The following EYS variants were observed in gnomAD, a reference collection of about 807,000 sequenced individuals.
EYS encodes the protein protein eyes shut homolog.
A neutral mutation model predicts 282.1 loss-of-function variants in EYS; 250 were observed. That is an observed-to-expected ratio of 0.89 (90% CI 0.80 to 0.98). The LOEUF is 0.98. EYS is among the 50% of genes least tolerant of loss of function. The pLI is 0.00. For synonymous variants in EYS, 1,355 were observed against 1,282.9 expected (o/e 1.06, Z -1.20); for missense variants, 4,016 against 3,709.0 (o/e 1.08, Z -2.15).
At chr6:64,608,813 T>C (rs944427673) in intron 24 of EYS, among the ~76,000 whole-genome samples, 18 of 152,158 alleles carry the variant, frequency 1.2e-4, no homozygotes, top group African/African-American at 4.3e-4. Context: ...AAAAGGGCTA[T>C]ATACTGTATT....
chr6:65,148,286 T>C (rs554416219), intron 12 of EYS, among the ~76,000 whole-genome samples: 1 of 152,196 alleles, frequency 6.6e-6, no homozygotes, highest in African/African-American at 2.4e-5. Context: ...CTTGGTACAA[T>C]GGGGGTACAG....
intron 33 of EYS, among the ~76,000 whole-genome samples, chr6:64,047,270 C>A (rs1770660224): frequency 1.3e-5 from 2 of 151,554 alleles, no homozygotes; most frequent in South Asian, 4.2e-4. Context: ...ACTTAGGAGA[C>A]CAGAGGTTGT....
At chr6:64,772,219 TC>T (rs1466362820) in intron 22 of EYS, among the ~76,000 whole-genome samples, 1 of 151,748 alleles carries the variant, frequency 6.6e-6, no homozygotes, top group Non-Finnish European at 1.5e-5. Flanking sequence ...TTTCATACAT[TC>T]TCTCCTATAT....
intron 13 of EYS, among the ~76,000 whole-genome samples, chr6:65,037,442 C>G (rs1772803696): frequency 6.6e-6 from 1 of 151,726 alleles, no homozygotes; most frequent in Non-Finnish European, 1.5e-5. Context: ...TATATACCTG[C>G]ACATGTACCT....
At chr6:64,883,299 G>A (rs1029051174) in intron 19 of EYS, among the ~76,000 whole-genome samples, 4 of 151,360 alleles carry the variant, frequency 2.6e-5, no homozygotes, top group African/African-American at 9.7e-5. Flanking sequence ...GAAAAAATGT[G>A]CATCGCTTTG....
At chr6:63,764,646 T>C (rs1419393965) in intron 40 of EYS, among the ~76,000 whole-genome samples, 1 of 151,980 alleles carries the variant, frequency 6.6e-6, no homozygotes, top group African/African-American at 2.4e-5. Context: ...TTATTGTATA[T>C]ATTTAAGGTA....
chr6:63,769,257 A>G (rs1769873571), intron 40 of EYS, among the ~76,000 whole-genome samples: 1 of 152,050 alleles, frequency 6.6e-6, no homozygotes, highest in Admixed American at 6.6e-5. Context: ...GCTAGACTGC[A>G]TTGAAGGTAA....
chr6:65,176,048 C>A (rs1179600185), intron 12 of EYS, among the ~76,000 whole-genome samples: 1 of 151,396 alleles, frequency 6.6e-6, no homozygotes, highest in Non-Finnish European at 1.5e-5. Context: ...TAACATTCTT[C>A]ACCTCACATA....
chr6:63,963,515 C>T (rs140446612), intron 35 of EYS, among the ~76,000 whole-genome samples: 108 of 152,238 alleles, frequency 7.1e-4, no homozygotes, highest in African/African-American at 2.5e-3. Flanking sequence ...AAGAATAACA[C>T]GAAAATGGCA....
chr6:64,996,005 C>G (rs1198643400), intron 14 of EYS, among the ~76,000 whole-genome samples: 1 of 152,060 alleles, frequency 6.6e-6, no homozygotes, highest in Non-Finnish European at 1.5e-5. Context: ...GTAATAAACT[C>G]AGATTATTCC....
chr6:65,348,976 C>A (rs993983909), intron 9 of EYS, among the ~76,000 whole-genome samples: 3 of 151,552 alleles, frequency 2.0e-5, no homozygotes, highest in Admixed American at 6.6e-5. Context: ...TATTTTTATA[C>A]TTTCTTTTTA....
intron 33 of EYS, among the ~76,000 whole-genome samples, chr6:64,025,169 G>A (rs1769429615): frequency 1.3e-5 from 2 of 152,120 alleles, no homozygotes; most frequent in Admixed American, 6.5e-5. Flanking sequence ...GCGGCTGCCG[G>A]ACTAAAGACA....
intron 23 of EYS, among the ~76,000 whole-genome samples, chr6:64,621,068 G>A (rs1242516326): frequency 6.6e-6 from 1 of 152,054 alleles, no homozygotes; most frequent in Non-Finnish European, 1.5e-5. Context: ...CTGGAGTGTA[G>A]TGGCATGATC....
chr6:64,091,874 A>G (rs902752706), intron 31 of EYS, among the ~76,000 whole-genome samples: 1 of 152,100 alleles, frequency 6.6e-6, no homozygotes, highest in Non-Finnish European at 1.5e-5. Flanking sequence ...TACATTAGGT[A>G]TATCTCCTAA....
At chr6:64,092,631 A>T (rs905988917) in intron 31 of EYS, among the ~76,000 whole-genome samples, 20 of 152,082 alleles carry the variant, frequency 1.3e-4, no homozygotes, top group African/African-American at 3.6e-4. Flanking sequence ...TTGTTTGAGT[A>T]CATTGTAGAT....
At chr6:64,800,032 G>A (rs1348394062) in intron 22 of EYS, among the ~76,000 whole-genome samples, 1 of 151,870 alleles carries the variant, frequency 6.6e-6, no homozygotes, top group Non-Finnish European at 1.5e-5. Context: ...TCACTATCAG[G>A]TTTATAGTTC....
At chr6:65,184,227 T>C (rs1765462291) in intron 12 of EYS, among the ~76,000 whole-genome samples, 1 of 151,902 alleles carries the variant, frequency 6.6e-6, no homozygotes, top group African/African-American at 2.4e-5. Flanking sequence ...AGGCTCTTAG[T>C]TCTGGAGGCT....
At chr6:65,576,693 C>T (rs886616530) in intron 2 of EYS, among the ~76,000 whole-genome samples, 2 of 151,726 alleles carry the variant, frequency 1.3e-5, no homozygotes, top group African/African-American at 2.4e-5. Flanking sequence ...AAAACTCCAT[C>T]CAAAAACTGT....
At chr6:65,062,602 C>T (rs1044863933) in intron 12 of EYS, among the ~76,000 whole-genome samples, 12 of 151,816 alleles carry the variant, frequency 7.9e-5, no homozygotes, top group African/African-American at 2.2e-4. Context: ...GCCCTGAAAA[C>T]CTTTGAGTTT....
Sources: allele counts gnomAD v4.1 joint callset (sites outside exome capture counted in the v4.1 genomes callset), GRCh38; gene constraint gnomAD v4.1.1; transcripts MANE v1.5; gene names NCBI Gene and HGNC (gene_info 2026-07-23, HGNC 2026-07-21).